Variants in SGPL1 observed in about 807,000 individuals in gnomAD.
SGPL1 encodes SP-lyase 1.
Under a neutral mutation model 68.9 loss-of-function variants are expected in SGPL1, and 37 were observed. That is an observed-to-expected ratio of 0.54 (90% confidence interval 0.41 to 0.71). SGPL1 has a LOEUF of 0.71. Ranked by LOEUF, SGPL1 falls within the 30% of genes least tolerant of loss-of-function variation. The probability of loss-of-function intolerance (pLI) is 0.00; values close to 1 mark genes in which losing one functional copy is unlikely to be tolerated. For synonymous variants in SGPL1, 236 were observed against 248.5 expected (o/e 0.95, Z 0.47); for missense variants, 551 against 704.6 (o/e 0.78, Z 2.47).
chr10:70,823,132 G>T (rs961206218), intron 2 of SGPL1, among the ~76,000 whole-genome samples: 8 of 152,012 alleles, frequency 5.3e-5, no homozygotes, highest in Non-Finnish European at 7.4e-5. Flanking sequence ...TTCAAGGGGC[G>T]TGTGTGTGTC....
rs1310140412 is a variant in SGPL1 at position 70,878,804 on chromosome 10, T to C, written c.*1469T>C. The stretch of plus-strand genomic sequence containing the variant: ...GGTACTATGGCAGTTTTGCCTCAGG[T>C]GCTGAACATTTCTCAGCCCTGGCTA... On this transcript the variant is annotated 3_prime_UTR_variant, in exon 15 of 15. Transcript: ENST00000373202. 6.6e-6 allele frequency: 1 copy of C among 152,308 alleles called. No homozygotes were observed. Among genetic ancestry groups the C allele is most frequent in the Non-Finnish European group, 1.5e-5 (1 of 68,086 alleles). The allele number at this position is 152,308 out of a possible 1,614,324, so 9.4% of individuals were successfully genotyped here. A position where few individuals can be genotyped will look rare whatever the true frequency, so the allele number is the denominator to read the frequency against.
rs1846475953 is a variant in SGPL1, at chr10:70,880,159, G to A, written c.*2824G>A. ...TTGATTACTTGGGCACACACGAGAT[G>A]ACAAATGGGGCAGTGGCCATGCTTG... On this transcript the variant is annotated 3_prime_UTR_variant, in exon 15 of 15. Coordinates refer to ENST00000373202, the MANE Select transcript of SGPL1 (RefSeq NM_003901.4). The A allele has an allele frequency of 6.6e-6, 1 of 152,626 alleles. No homozygotes were observed. Among genetic ancestry groups the A allele is most frequent in the South Asian group, 2.1e-4 (1 of 4,824 alleles). The allele number at this position is 152,626 out of a possible 1,614,324, so 9.5% of individuals were successfully genotyped here. A position where few individuals can be genotyped will look rare whatever the true frequency, so the allele number is the denominator to read the frequency against.
chr10:70,863,126 A>AC (rs1366175504), intron 7 of SGPL1, among the ~76,000 whole-genome samples: 4 of 151,980 alleles, frequency 2.6e-5, no homozygotes, highest in African/African-American at 9.7e-5. Flanking sequence ...AGCTGGGACT[A>AC]CAGGCATGCA....
intron 3 of SGPL1, among the ~76,000 whole-genome samples, chr10:70,846,595 T>C (rs1020279206): frequency 3.3e-4 from 50 of 152,184 alleles, no homozygotes; most frequent in African/African-American, 1.1e-3. Context: ...AACTGCCCAT[T>C]ACTCTCTCCC....
chr10:70,820,168 T>C (rs1845314564), intron 2 of SGPL1: 1 of 152,242 alleles, frequency 6.6e-6, no homozygotes, highest in South Asian at 2.1e-4. Flanking sequence ...AACCTTTTGG[T>C]ATCCTTCTTT....
intron 5 of SGPL1, 94 bp downstream of exon 5, chr10:70,854,949 T>C: frequency 9.0e-7 from 1 of 1,110,624 alleles, no homozygotes; most frequent in Non-Finnish European, 1.2e-6. Flanking sequence ...TAACTCATCA[T>C]TGGTTAATAC....
chr10:70,866,398 AAAAAG>A (rs1208081924), intron 7 of SGPL1: 8 of 152,192 alleles, frequency 5.3e-5, no homozygotes, highest in African/African-American at 1.2e-4. Context: ...AAAAAAAACA[AAAAAG>A]AAAAAAGTAG....
Position 70,848,423 on chromosome 10 carries a change from C to A in SGPL1, c.194-2720C>A, listed in dbSNP as rs115749313. Among the ~76,000 whole-genome samples the A allele has an allele frequency of 2.2e-3, 326 of 146,368 alleles. 2 individuals carry two copies. The highest frequency in any genetic ancestry group is 8.0e-3 in the African/African-American group (315 of 39,332). On this transcript the variant is annotated intron_variant, in intron 3 of 14. Coordinates refer to ENST00000373202, the MANE Select transcript of SGPL1 (RefSeq NM_003901.4). ...TTCAAATGTGTAAGTTGTGGAATGG[C>A]TCAATCAAACTAACGTGATTACCTC...
chr10:70,857,095 G>C (rs557354934), intron 5 of SGPL1: 1 of 163,168 alleles, frequency 6.1e-6, no homozygotes, highest in African/African-American at 2.4e-5. Flanking sequence ...GGTGCTCATG[G>C]TTTATACCTC....
chr10:70,862,851 G>C (rs1164993585), intron 7 of SGPL1, among the ~76,000 whole-genome samples: 1 of 152,188 alleles, frequency 6.6e-6, no homozygotes, highest in Non-Finnish European at 1.5e-5. Context: ...CACCGCGAGG[G>C]TCCGCGGCTT....
At chr10:70,816,248 CGGGGCGGGGGCG>C (rs550626056) in intron 1 of SGPL1, 122 bp downstream of exon 1, 1 of 34,588 alleles carries the variant, frequency 2.9e-5, no homozygotes, top group Admixed American at 3.9e-4. Flanking sequence ...CGGCTGCGGC[CGGGGCGGGGGCG>C]GGGGCGGGCT....
intron 8 of SGPL1, chr10:70,869,419 A>G (rs1237757879): frequency 6.4e-6 from 1 of 156,358 alleles, no homozygotes; most frequent in Non-Finnish European, 1.4e-5. Context: ...TCTCATTCTC[A>G]CTGAGGTGCC....
intron 2 of SGPL1, among the ~76,000 whole-genome samples, chr10:70,818,411 G>T (rs1465363916): frequency 2.6e-5 from 4 of 152,120 alleles, no homozygotes; most frequent in African/African-American, 7.2e-5. Flanking sequence ...GGCGTGAGCC[G>T]CCGTGTCCAG....
At chr10:70,838,556 C>T (rs908626863) in intron 2 of SGPL1, among the ~76,000 whole-genome samples, 27 of 152,106 alleles carry the variant, frequency 1.8e-4, no homozygotes, top group African/African-American at 5.1e-4. Context: ...GAGAATAAAT[C>T]GTAAGTATAA....
In SGPL1 at chr10:70,843,880, T is replaced by G. The variant is rs549184818; in HGVS notation, c.28-593T>G. Among the ~76,000 whole-genome samples, 3 of 152,362 alleles carry G rather than the reference T, an allele frequency of 2.0e-5. No individual in the cohort carries two copies. The South Asian group carries it at 6.2e-4, about 32-fold the overall frequency. The stretch of plus-strand genomic sequence containing the variant: ...GAATATTTTATGAACATGAAAATTA[T>G]ATGAAATTCAAGTTTTGGTGTCTGT... On this transcript the variant is annotated intron_variant, in intron 2 of 14. Transcript: ENST00000373202.
chr10:70,859,327 A>T (rs547554668), intron 6 of SGPL1, 44 bp from the exon 7 acceptor site: 1 of 1,334,076 alleles, frequency 7.5e-7, no homozygotes, highest in South Asian at 2.4e-5. Flanking sequence ...TGTCCTGTAT[A>T]GTGTAATAGT....
intron 6 of SGPL1, 115 bp downstream of exon 6, chr10:70,857,805 A>C: frequency 1.7e-6 from 1 of 587,600 alleles, no homozygotes; most frequent in Middle Eastern, 4.3e-4. Flanking sequence ...TTATTGGTAC[A>C]ATAAAACCAT....
intron 3 of SGPL1, among the ~76,000 whole-genome samples, chr10:70,847,301 A>G (rs981860939): frequency 2.0e-5 from 3 of 152,052 alleles, no homozygotes; most frequent in Non-Finnish European, 4.4e-5. Context: ...GGTGCCCACT[A>G]TCACGCCTGC....
intron 4 of SGPL1, among the ~76,000 whole-genome samples, chr10:70,852,938 G>T (rs960814573): frequency 6.6e-5 from 10 of 152,192 alleles, no homozygotes; most frequent in African/African-American, 2.4e-4. Context: ...TGAAATAAAT[G>T]CTTTGAAGAA....
Sources: allele counts gnomAD v4.1 joint callset (sites outside exome capture counted in the v4.1 genomes callset), GRCh38; gene constraint gnomAD v4.1.1; transcripts MANE v1.5; gene names NCBI Gene and HGNC (gene_info 2026-07-23, HGNC 2026-07-21).